The following MSRB3 variants were observed in gnomAD, a reference collection of about 807,000 sequenced individuals.
The protein encoded by MSRB3 is methionine-R-sulfoxide reductase B3.
In MSRB3, 13 loss-of-function variants were observed where a neutral mutation model predicts 21.0. The observed-to-expected ratio is 0.62, with a 90% CI of 0.40 to 0.98. The LOEUF is 0.98. MSRB3 is among the 50% of genes least tolerant of loss of function. The pLI is 0.00. For synonymous variants in MSRB3, 87 were observed against 88.6 expected (o/e 0.98, Z 0.10); for missense variants, 199 against 230.3 (o/e 0.86, Z 0.88).
chr12:65,439,327 A>G (rs1882264345), intron 5 of MSRB3, among the ~76,000 whole-genome samples: 3 of 151,808 alleles, frequency 2.0e-5, no homozygotes, highest in African/African-American at 4.8e-5. Flanking sequence ...TTAAAAATAC[A>G]TAGTTACGGT....
chr12:65,307,634 A>T (rs1444468789), intron 1 of MSRB3, among the ~76,000 whole-genome samples: 1 of 152,172 alleles, frequency 6.6e-6, no homozygotes, highest in Non-Finnish European at 1.5e-5. Context: ...CAATTGAAAT[A>T]TTGTAAAAAA....
chr12:65,323,187 G>A (rs148762449), intron 2 of MSRB3, among the ~76,000 whole-genome samples: 13 of 152,298 alleles, frequency 8.5e-5, no homozygotes, highest in Admixed American at 3.3e-4. Context: ...TTCAGGTCAC[G>A]TGGCTGGGAA....
intron 5 of MSRB3, among the ~76,000 whole-genome samples, chr12:65,413,790 C>A (rs539257044): frequency 9.9e-5 from 15 of 151,958 alleles, no homozygotes; most frequent in African/African-American, 3.6e-4. Flanking sequence ...ATTAAAAAAA[C>A]CCAGCAGAGT....
intron 1 of MSRB3, chr12:65,286,614 T>C (rs906407453): frequency 6.6e-6 from 1 of 151,986 alleles, no homozygotes; most frequent in African/African-American, 2.4e-5. Context: ...TTATGGTTTC[T>C]TGGGTCACTT....
chr12:65,369,202 G>A (rs1045206051), intron 5 of MSRB3, among the ~76,000 whole-genome samples, 176 bp downstream of exon 5: 4 of 152,128 alleles, frequency 2.6e-5, no homozygotes, highest in Non-Finnish European at 5.9e-5. Context: ...AATTTGAGGT[G>A]TTCACTTTGG....
chr12:65,443,553 TAAAC>T (rs1004508522), intron 5 of MSRB3, among the ~76,000 whole-genome samples: 1 of 152,148 alleles, frequency 6.6e-6, no homozygotes. Flanking sequence ...TGTGCGTGCT[TAAAC>T]AAAATAAATT....
At chr12:65,419,987 A>G (rs1027841659) in intron 5 of MSRB3, 1 of 571,592 alleles carries the variant, frequency 1.7e-6, no homozygotes, top group African/African-American at 1.9e-5. Flanking sequence ...ATGGGTAGGT[A>G]GTTGGTGGAC....
rs773333741 is a variant in MSRB3, at chr12:65,463,334, G to A, written c.*12G>A. 2.5e-6 allele frequency: 4 copies of A among 1,614,126 alleles called. No individual in the cohort carries two copies. Among genetic ancestry groups the A allele is most frequent in the Non-Finnish European group, 3.4e-6 (4 of 1,180,010 alleles). On this transcript the variant is annotated 3_prime_UTR_variant, in exon 7 of 7. Coordinates refer to ENST00000308259, the MANE Select transcript of MSRB3 (RefSeq NM_001031679.3). ...AAGCGGAGCTCTAGAGTAATGGAGA[G>A]TGATGGAAACAAAGTGTACTTAATG...
rs144127541 is a variant in MSRB3 at position 65,304,140 on chromosome 12, A to G, written c.-51-4389A>G. Among the ~76,000 whole-genome samples the G allele has an allele frequency of 7.2e-3, 1,103 of 152,290 alleles. 14 individuals carry two copies. Among genetic ancestry groups the G allele is most frequent in the African/African-American group, 0.024 (1,017 of 41,566 alleles). The stretch of plus-strand genomic sequence containing the variant: ...GTATGATGAGAAACATTTCAGAGGC[A>G]CCAATTGAGACGAAGTTAAGCAGCC... On this transcript the variant is annotated intron_variant, in intron 1 of 6. Transcript: ENST00000308259.
chr12:65,326,687 G>A, intron 2 of MSRB3, 139 bp from the exon 3 acceptor site: 2 of 692,524 alleles, frequency 2.9e-6, no homozygotes, highest in Non-Finnish European at 5.3e-6. Flanking sequence ...TGCAGTTCAG[G>A]TAAGCATTTC....
intron 1 of MSRB3, among the ~76,000 whole-genome samples, chr12:65,282,317 C>CA (rs761449447): frequency 3.1e-3 from 373 of 119,032 alleles, no homozygotes; most frequent in East Asian, 5.0e-3. Context: ...AACTCTGTCT[C>CA]AAAAAAAAAA....
intron 1 of MSRB3, chr12:65,286,299 C>A (rs1012046580): frequency 4.6e-5 from 7 of 151,972 alleles, no homozygotes; most frequent in African/African-American, 1.7e-4. Context: ...TGAGCCATAG[C>A]GGAAATTTTG....
intron 5 of MSRB3, among the ~76,000 whole-genome samples, chr12:65,378,228 C>T (rs922138504): frequency 6.6e-6 from 1 of 152,108 alleles, no homozygotes; most frequent in Non-Finnish European, 1.5e-5. Context: ...CCAGGAATTA[C>T]ATTATCTAAC....
At chr12:65,315,583 G>A (rs1024515437) in intron 2 of MSRB3, among the ~76,000 whole-genome samples, 35 of 149,128 alleles carry the variant, frequency 2.3e-4, no homozygotes, top group African/African-American at 8.4e-4. Context: ...CAGGAGAATC[G>A]CTTAAGCCCA....
chr12:65,384,375 T>G (rs1348244405), intron 5 of MSRB3, among the ~76,000 whole-genome samples: 1 of 152,220 alleles, frequency 6.6e-6, no homozygotes, highest in East Asian at 1.9e-4. Flanking sequence ...TTATCTGTTA[T>G]CTACATTTGT....
intron 4 of MSRB3, among the ~76,000 whole-genome samples, chr12:65,348,483 C>T (rs1339610470): frequency 1.3e-5 from 2 of 152,010 alleles, no homozygotes; most frequent in Non-Finnish European, 2.9e-5. Flanking sequence ...CTCTTTTCTT[C>T]TTTATTAGTC....
At chr12:65,364,577 A>G (rs1003183305) in intron 4 of MSRB3, among the ~76,000 whole-genome samples, 2 of 152,194 alleles carry the variant, frequency 1.3e-5, no homozygotes, top group Admixed American at 6.5e-5. Flanking sequence ...ACGTAAAAAT[A>G]TGTTTGGAAT....
intron 5 of MSRB3, among the ~76,000 whole-genome samples, chr12:65,424,148 C>T (rs921429090): frequency 2.0e-5 from 3 of 151,754 alleles, no homozygotes; most frequent in African/African-American, 7.3e-5. Flanking sequence ...GACTCATGAT[C>T]ATTTGTATTT....
chr12:65,407,426 T>C (rs1197473453), intron 5 of MSRB3, among the ~76,000 whole-genome samples: 2 of 152,132 alleles, frequency 1.3e-5, no homozygotes, highest in Non-Finnish European at 2.9e-5. Flanking sequence ...GCAATTCTTA[T>C]CCTTGTTCCA....
Sources: gnomAD v4.1 joint callset for allele counts (sites outside exome capture counted in the v4.1 genomes callset) on GRCh38, gnomAD v4.1.1 for gene constraint, MANE v1.5 for transcripts, NCBI Gene and HGNC (gene_info 2026-07-23, HGNC 2026-07-21) for gene names.